The following APLP1 variants were observed in gnomAD, a reference collection of about 807,000 sequenced individuals.
APLP1 encodes amyloid beta precursor like protein 1.
A neutral mutation model predicts 84.5 loss-of-function variants in APLP1; 46 were observed. That is an observed-to-expected ratio of 0.54 (90% CI 0.43 to 0.70). The LOEUF (loss-of-function observed/expected upper bound fraction) is 0.70, where lower values mean the gene tolerates loss of function less well. Among genes scored for constraint, APLP1 ranks in the 30% least tolerant of loss-of-function variants. APLP1 has a pLI of 0.00. For synonymous variants in APLP1, 376 were observed against 364.0 expected (o/e 1.03, Z -0.38); for missense variants, 826 against 900.2 (o/e 0.92, Z 1.05).
chr19:35,873,638 G>A lies in APLP1; in HGVS notation c.982-1G>A, dbSNP rs1974212237. The A allele has an allele frequency of 6.2e-6, 10 of 1,614,134 alleles. No homozygotes were observed. The highest frequency in any genetic ancestry group is 8.5e-6 in the Non-Finnish European group (10 of 1,180,002). ...ATCCTGAAGCTCCCCTCCCTATGCA[G>A]GTGATGCGTGAATGGGCCATGGCAG... On this transcript the variant is annotated splice_acceptor_variant, in intron 7 of 16. Transcript: ENST00000221891. LOFTEE classifies it high-confidence loss of function.
chr19:35,871,494 C>A lies in APLP1; in HGVS notation c.538-118C>A, dbSNP rs995915805. The A allele has an allele frequency of 8.4e-6, 12 of 1,430,320 alleles. No individual in the cohort carries two copies. The Admixed American group carries it at 1.4e-4, about 17-fold the overall frequency. The allele number at this position is 1,430,320 out of a possible 1,614,324, so 88.6% of individuals were successfully genotyped here. On this transcript the variant is annotated intron_variant, in intron 4 of 16. Transcript: ENST00000221891. ...TAAGAATTTCATCCCCCAACCCCTTCCTCTAGAAGCAGGAATCCAGGCTCC... is the reference window on the plus strand; with the variant it reads ...TAAGAATTTCATCCCCCAACCCCTTACTCTAGAAGCAGGAATCCAGGCTCC...
Position 35,868,686 on chromosome 19 carries a change from AGCCGCCGCTGCC to A in APLP1, c.53_64del (p.Pro18_Pro21del). 1 of 1,408,622 alleles carries A rather than the reference AGCCGCCGCTGCC, an allele frequency of 7.1e-7. No individual in the cohort carries two copies. 87.3% of individuals were successfully genotyped at this position (1,408,622 alleles called of 1,614,324 possible). The stretch of plus-strand genomic sequence containing the variant: ...CGCGGTCTAAGTCGCCGCCCGGGCC[AGCCGCCGCTGCC>A]GCTGCTGCTGCCACTATTGCTGCTG... On this transcript the variant is annotated inframe_deletion, in exon 1 of 17. Coordinates refer to ENST00000221891, the MANE Select transcript of APLP1 (RefSeq NM_001024807.3). This position sits in a 1 kb window ranked among gnomAD's most constrained non-coding sequence, Gnocchi z 5.2.
intron 10 of APLP1, among the ~76,000 whole-genome samples, chr19:35,875,918 CAGAAA>C (rs1974272809): frequency 1.3e-5 from 2 of 150,282 alleles, no homozygotes; most frequent in African/African-American, 2.5e-5. Flanking sequence ...CATGCCCGGC[CAGAAA>C]CCCCAATAAC....
At chr19:35,869,152 G>T (rs112755953) in intron 1 of APLP1, 8 of 318,592 alleles carry the variant, frequency 2.5e-5, no homozygotes, top group African/African-American at 1.1e-4. Flanking sequence ...GACCCATATG[G>T]AGGCCCTTGC....
intron 10 of APLP1, 92 bp from the exon 11 acceptor site, chr19:35,876,425 A>G: frequency 1.8e-6 from 2 of 1,105,118 alleles, no homozygotes; most frequent in Non-Finnish European, 2.8e-6. Context: ...GCTTTTCCTC[A>G]GTCGCTATTG....
rs1398235178 is a variant in APLP1, at chr19:35,870,853, GGGGCGGGGCAGT to G, written c.292-38_292-27del. 3.2e-6 allele frequency: 5 copies of G among 1,575,084 alleles called. No individual in the cohort carries two copies. In the South Asian group the frequency reaches 5.9e-5, roughly 19 times the overall value. ...GACTACTGGAGAGGGGTGGCTGGCA[GGGGCGGGGCAGT>G]GGGCTGATTGCCCCCATCTGATCCC... On this transcript the variant is annotated intron_variant, in intron 2 of 16. Coordinates refer to ENST00000221891, the MANE Select transcript of APLP1 (RefSeq NM_001024807.3).
chr19:35,869,950 A>C, intron 2 of APLP1, 140 bp downstream of exon 2: 1 of 1,127,564 alleles, frequency 8.9e-7, no homozygotes, highest in Non-Finnish European at 1.2e-6. Context: ...TGCTAGGGGC[A>C]GGGGACCTGT....
intron 7 of APLP1, among the ~76,000 whole-genome samples, chr19:35,872,832 C>T (rs1223216815): frequency 1.3e-5 from 2 of 151,018 alleles, no homozygotes; most frequent in Non-Finnish European, 2.9e-5. Context: ...CTATGGTACT[C>T]TTTCACTTTA....
At chr19:35,871,786 T>TGAGGCAGGGGATGGAAGCCTGG in intron 5 of APLP1, 41 bp downstream of exon 5, 1 of 1,613,664 alleles carries the variant, frequency 6.2e-7, no homozygotes, top group Non-Finnish European at 8.5e-7. Flanking sequence ...TCAAGGTTCC[T>TGAGGCAGGGGATGGAAGCCTGG]GAGGCAGGGG....
At chr19:35,872,702 C>A in intron 7 of APLP1, 89 bp downstream of exon 7, 4 of 1,446,860 alleles carry the variant, frequency 2.8e-6, no homozygotes, top group Non-Finnish European at 1.9e-6. Flanking sequence ...ATACTACCTC[C>A]AAAGGCTCCC....
At chr19:35,869,588 G>T (rs907111886) in intron 1 of APLP1, 79 bp from the exon 2 acceptor site, 1 of 1,561,524 alleles carries the variant, frequency 6.4e-7, no homozygotes, top group African/African-American at 1.4e-5. Context: ...TGGGGGTCTC[G>T]GTCCTAGGGA....
At chr19:35,869,474 T>C in intron 1 of APLP1, 193 bp from the exon 2 acceptor site, 1 of 765,582 alleles carries the variant, frequency 1.3e-6, no homozygotes, top group Non-Finnish European at 2.1e-6. Context: ...CAGGTCGCCA[T>C]AGCAACGGGA....
In APLP1 at chr19:35,878,110, T is replaced by TCATG; in HGVS notation, c.1579+2_1579+3insCATG. 3.1e-6 allele frequency: 5 copies of TCATG among 1,612,302 alleles called. No individual in the cohort carries two copies. The East Asian group carries it at 1.1e-4, about 36-fold the overall frequency. On this transcript the variant is annotated splice_region_variant and intron_variant, in intron 13 of 16. Coordinates refer to ENST00000221891, the MANE Select transcript of APLP1 (RefSeq NM_001024807.3). ...ACACCCCCATGACCCTTCCAAAAGG[T>TCATG]GAGTGTCTCACAGTTAACCCCAGCC... is the stretch of plus-strand genomic sequence containing the variant.
chr19:35,878,650 G>T lies in APLP1; in HGVS notation c.1646G>T (p.Arg549Leu). 1 of 1,614,154 alleles carries T rather than the reference G, an allele frequency of 6.2e-7. No homozygotes were observed. The highest frequency in any genetic ancestry group is 1.1e-5 in the South Asian group (1 of 91,076). Residue 549 changes from arginine to leucine, a missense_variant, in exon 14 of 17, where the codon CGA (arginine) becomes CTA (leucine). Around this residue, in one of 3 missense-constraint regions of APLP1, gnomAD observed 433 missense variants for 496.5 expected, o/e 0.87. Coordinates refer to ENST00000221891, the MANE Select transcript of APLP1 (RefSeq NM_001024807.3). The stretch of plus-strand genomic sequence containing the variant: ...ATGAACCCGCTGGAACAGTATGAGC[G>T]AAAGGTAAGTTAGTCAGAACTGTGG... The part of the protein sequence containing the change: ...EKMNPLEQYE[R>L]KVNASVPRGF...
Position 35,879,421 on chromosome 19 carries a change from T to C in APLP1, c.1936T>C (p.Phe646Leu), listed in dbSNP as rs1421124436. ...CGGCTATGAGAACCCCACTTACCGCTTCCTGGAGGAACGACCCTGACCCGG... is the reference window on the plus strand; with the variant it reads ...CGGCTATGAGAACCCCACTTACCGCCTCCTGGAGGAACGACCCTGACCCGG... ...RHGYENPTYR[F>L]LEERP The change falls in exon 17 of 17, where the codon TTC becomes CTC. Residue 646 changes from phenylalanine to leucine, a missense_variant. Physicochemically the swap from Phe to Leu is conservative, Grantham distance 22. Transcript: ENST00000221891. 6.2e-7 allele frequency: 1 copy of C among 1,613,440 alleles called. No homozygotes were observed.
chr19:35,876,278 C>A (rs2055993592), intron 10 of APLP1, among the ~76,000 whole-genome samples: 1 of 152,114 alleles, frequency 6.6e-6, no homozygotes. Context: ...TTCTATATGA[C>A]CCTCCAATCC....
rs1409058043 is a variant in APLP1, at chr19:35,879,443, C to T, written c.*2C>T. ...CGCTTCCTGGAGGAACGACCCTGAC[C>T]CGGCCCCCTTCACCCCTTCAGCCGA... is the stretch of plus-strand genomic sequence containing the variant. On this transcript the variant is annotated 3_prime_UTR_variant, in exon 17 of 17. Coordinates refer to ENST00000221891, the MANE Select transcript of APLP1 (RefSeq NM_001024807.3). 6.2e-7 allele frequency: 1 copy of T among 1,612,844 alleles called. No homozygotes were observed. Among genetic ancestry groups the T allele is most frequent in the East Asian group, 2.2e-5 (1 of 44,872 alleles).
chr19:35,874,761 C>T lies in APLP1; in HGVS notation c.1236C>T (p.Ala412=), dbSNP rs1362376704. 6.2e-6 allele frequency: 10 copies of T among 1,613,534 alleles called. No individual in the cohort carries two copies. The highest frequency in any genetic ancestry group is 8.5e-6 in the Non-Finnish European group (10 of 1,179,802). ...DPPQAERVLL[A]LRRYLRAEQK... is the part of the protein sequence containing the mutation. Reference sequence around the variant, plus strand: ...CACAGGCGGAGCGTGTCCTGTTGGCCCTGCGGCGCTACCTGCGTGCGGAGC... The same window carrying T: ...CACAGGCGGAGCGTGTCCTGTTGGCTCTGCGGCGCTACCTGCGTGCGGAGC... Residue 412 remains alanine, a synonymous_variant, in exon 10 of 17, where the codon GCC becomes GCT. Coordinates refer to ENST00000221891, the MANE Select transcript of APLP1 (RefSeq NM_001024807.3). This position sits in a 1 kb window ranked among gnomAD's most constrained non-coding sequence, Gnocchi z 6.4.
intron 11 of APLP1, 45 bp downstream of exon 11, chr19:35,876,661 A>G: frequency 6.8e-7 from 1 of 1,475,712 alleles, no homozygotes; most frequent in African/African-American, 1.4e-5. Context: ...CTCTGAGGGC[A>G]GATCTTGACT....
Sources: allele counts gnomAD v4.1 joint callset (sites outside exome capture counted in the v4.1 genomes callset), GRCh38; gene constraint gnomAD v4.1.1; regional missense constraint gnomAD v4.1.1; non-coding constraint Gnocchi (gnomAD v3.1); transcripts MANE v1.5; gene names NCBI Gene and HGNC (gene_info 2026-07-23, HGNC 2026-07-21).